GRB14: variants seen among roughly 807,000 people sequenced by gnomAD.
The protein encoded by GRB14 is growth factor receptor-bound protein 14.
A neutral mutation model predicts 69.1 loss-of-function variants in GRB14; 38 were observed. The observed-to-expected ratio is 0.55, with a 90% CI of 0.42 to 0.72. GRB14 has a LOEUF of 0.72. Ranked by LOEUF, GRB14 falls within the 30% of genes least tolerant of loss-of-function variation. The pLI, the probability that GRB14 is intolerant of heterozygous loss-of-function variation, is 0.00. For synonymous variants in GRB14, 247 were observed against 241.3 expected, an observed-to-expected ratio of 1.02 and a Z score of -0.22; for missense variants, 666 against 666.1, an observed-to-expected ratio of 1.00 and a Z score of 0.00.
intron 6 of GRB14, among the ~76,000 whole-genome samples, chr2:164,521,670 A>G (rs73020264): frequency 0.024 from 3,699 of 152,200 alleles, 141 homozygotes; most frequent in African/African-American, 0.084. Context: ...AAAGGTATAC[A>G]CTACATCAGG....
chr2:164,536,846 C>T (rs1452048857), intron 3 of GRB14, among the ~76,000 whole-genome samples: 1 of 152,194 alleles, frequency 6.6e-6, no homozygotes. Context: ...CTTGTCCACA[C>T]GGCTTGTTTC....
At chr2:164,592,556 C>T (rs1157845644) in intron 2 of GRB14, among the ~76,000 whole-genome samples, 7 of 152,186 alleles carry the variant, frequency 4.6e-5, no homozygotes, top group African/African-American at 1.7e-4. Flanking sequence ...CACCACCAGG[C>T]TGGGATCCAA....
intron 2 of GRB14, among the ~76,000 whole-genome samples, chr2:164,561,165 C>A (rs1404766963): frequency 6.6e-6 from 1 of 152,088 alleles, no homozygotes; most frequent in African/African-American, 2.4e-5. Context: ...TGATGCCCAG[C>A]AACTGTACTC....
rs140914305 is a variant in GRB14 at position 164,559,640 on chromosome 2, G to A, written c.325-11824C>T. On this transcript the variant is annotated intron_variant, in intron 2 of 13. Transcript: ENST00000263915. Reference sequence around the variant, plus strand: ...TTACTGCATTCCTCTTTATGGCTGAGTAGTATTCCATCATATAAATATACC... The same window carrying A: ...TTACTGCATTCCTCTTTATGGCTGAATAGTATTCCATCATATAAATATACC... 2.2e-3 allele frequency among the ~76,000 whole-genome samples: 338 copies of A among 152,264 alleles called. 4 individuals are homozygous for A. The highest frequency in any genetic ancestry group is 2.9e-3 in the Non-Finnish European group (195 of 68,030).
chr2:164,599,898 T>C (rs1483869048), intron 2 of GRB14, among the ~76,000 whole-genome samples: 1 of 152,196 alleles, frequency 6.6e-6, no homozygotes. Flanking sequence ...GAAGAGATGC[T>C]ACTTAGAGCC....
At chr2:164,504,313 C>T (rs961576394) in intron 8 of GRB14, among the ~76,000 whole-genome samples, 14 of 151,914 alleles carry the variant, frequency 9.2e-5, no homozygotes, top group South Asian at 4.2e-4. Context: ...TGTTCATTCC[C>T]GCTAAGTACA....
At chr2:164,556,247 A>G (rs1688675383) in intron 2 of GRB14, among the ~76,000 whole-genome samples, 1 of 152,180 alleles carries the variant, frequency 6.6e-6, no homozygotes, top group Admixed American at 6.5e-5. Context: ...CTGCTTTCTT[A>G]TTGCTATCCT....
At chr2:164,595,163 T>C (rs1689754090) in intron 2 of GRB14, among the ~76,000 whole-genome samples, 2 of 152,200 alleles carry the variant, frequency 1.3e-5, no homozygotes, top group African/African-American at 2.4e-5. Context: ...GCAAAGGATT[T>C]TGCAATAAAC....
chr2:164,522,034 A>C lies in GRB14; in HGVS notation c.762T>G (p.Ile254Met). The C allele has an allele frequency of 6.2e-7, 1 of 1,602,496 alleles. No individual in the cohort carries two copies. The highest frequency in any genetic ancestry group is 1.3e-5 in the African/African-American group (1 of 74,680). The change falls in exon 6 of 14, where the codon ATT becomes ATG. Residue 254 changes from isoleucine to methionine, a missense_variant. Coordinates refer to ENST00000263915, the MANE Select transcript of GRB14 (RefSeq NM_004490.3). ...AACCAGATCTTCTTAGAAAAAAGTAAATTTTTTTCCAAGACTTCTTTCCCT... is the reference window on the plus strand; with the variant it reads ...AACCAGATCTTCTTAGAAAAAAGTACATTTTTTTCCAAGACTTCTTTCCCT... ...KEQGKKSWKK[I>M]YFFLRRSGLY...
At chr2:164,544,425 C>A (rs901578010) in intron 3 of GRB14, among the ~76,000 whole-genome samples, 5 of 151,804 alleles carry the variant, frequency 3.3e-5, no homozygotes, top group African/African-American at 1.2e-4. Context: ...TAAGTCCCCC[C>A]GAAAGAAAAA....
At position 164,586,296 on chromosome 2, in the gene GRB14, T is replaced by C. The variant is rs528739046; in HGVS notation, c.324+33391A>G. ...TAGTAGAAAGTTGCATTGGAGTTAA[T>C]CTTTCCTGGACAACTCAAAAATTAA... On this transcript the variant is annotated intron_variant, in intron 2 of 13. Transcript: ENST00000263915. Among the ~76,000 whole-genome samples the C allele has an allele frequency of 4.9e-4, 75 of 152,298 alleles. No individual in the cohort carries two copies. In the South Asian group the frequency reaches 0.015, roughly 31 times the overall value.
At chr2:164,578,435 T>C (rs952043543) in intron 2 of GRB14, among the ~76,000 whole-genome samples, 3 of 148,820 alleles carry the variant, frequency 2.0e-5, no homozygotes, top group Admixed American at 6.7e-5. Context: ...ATAATCCAAA[T>C]ACAGAAAGCA....
At position 164,492,996 on chromosome 2, in the gene GRB14, C is replaced by T. The variant is rs189442934; in HGVS notation, c.*40G>A. The T allele has an allele frequency of 6.4e-6, 10 of 1,558,196 alleles. No homozygotes were observed. The African/African-American group carries it at 6.9e-5, about 11-fold the overall frequency. On this transcript the variant is annotated 3_prime_UTR_variant, in exon 14 of 14. Transcript: ENST00000263915. ...TGGTCTTTTATTATTTTTCTTGAGT[C>T]CTTTTCCTTCAATAGTTTAATAAGT...
chr2:164,524,982 T>C (rs780104630), intron 5 of GRB14, 22 bp downstream of exon 5: 2 of 1,361,802 alleles, frequency 1.5e-6, no homozygotes, highest in Admixed American at 3.9e-5. Flanking sequence ...TATTTATATA[T>C]GTTAATAAAA....
chr2:164,581,712 C>T (rs892031927), intron 2 of GRB14, among the ~76,000 whole-genome samples: 17 of 152,186 alleles, frequency 1.1e-4, no homozygotes, highest in African/African-American at 3.9e-4. Context: ...TTTGTTACAG[C>T]AGCAAGGGGA....
intron 1 of GRB14, among the ~76,000 whole-genome samples, chr2:164,620,581 C>T (rs1690432411): frequency 6.6e-6 from 1 of 151,998 alleles, no homozygotes; most frequent in Non-Finnish European, 1.5e-5. Flanking sequence ...ATTGCTGTAA[C>T]CCTTTTTCTT....
rs576979623 is a variant in GRB14 at position 164,492,987 on chromosome 2, T to C, written c.*49A>G. ...CCTTATTTATGGTCTTTTATTATTT[T>C]TCTTGAGTCCTTTTCCTTCAATAGT... On this transcript the variant is annotated 3_prime_UTR_variant, in exon 14 of 14. Transcript: ENST00000263915. The C allele has an allele frequency of 2.2e-4, 337 of 1,532,438 alleles. 1 individual carries two copies. In the South Asian group the frequency reaches 3.7e-3, roughly 17 times the overall value. The allele number at this position is 1,532,438 out of a possible 1,614,324, so 94.9% of individuals were successfully genotyped here. A position where few individuals can be genotyped will look rare whatever the true frequency, so the allele number is the denominator to read the frequency against.
intron 2 of GRB14, among the ~76,000 whole-genome samples, chr2:164,553,305 C>A (rs546199249): frequency 6.6e-6 from 1 of 152,176 alleles, no homozygotes; most frequent in South Asian, 2.1e-4. Flanking sequence ...TATGTCACTG[C>A]AAATTTAGAC....
chr2:164,498,847 T>A (rs1438054341), intron 9 of GRB14, among the ~76,000 whole-genome samples: 1 of 152,194 alleles, frequency 6.6e-6, no homozygotes, highest in Non-Finnish European at 1.5e-5. Context: ...TATGCTGTAG[T>A]GGCCTACAAT....
Sources: allele counts gnomAD v4.1 joint callset (sites outside exome capture counted in the v4.1 genomes callset), GRCh38; gene constraint gnomAD v4.1.1; transcripts MANE v1.5; gene names NCBI Gene and HGNC (gene_info 2026-07-23, HGNC 2026-07-21).